The following CARS2 variants were observed in gnomAD, a reference collection of about 807,000 sequenced individuals.
The protein encoded by CARS2 is cysteinyl-tRNA synthetase 2, mitochondrial.
In CARS2, 52 loss-of-function variants were observed where a neutral mutation model predicts 68.8. The observed-to-expected ratio is 0.76, with a 90% CI of 0.61 to 0.95. CARS2 has a LOEUF of 0.95. CARS2 is among the 40% of genes least tolerant of loss of function. The pLI is 0.00. For synonymous variants in CARS2, 314 were observed against 303.6 expected (o/e 1.03, Z -0.36); for missense variants, 780 against 754.2 (o/e 1.03, Z -0.40).
At chr13:110,709,422 G>C (rs971384315), upstream of CARS2, among the ~76,000 whole-genome samples, 2 of 152,016 alleles carry the variant, frequency 1.3e-5, no homozygotes, top group African/African-American at 4.8e-5. Flanking sequence ...AGGCTTTTGC[G>C]GATCATCAAA....
At chr13:110,661,918 C>T (rs992582626) in intron 9 of CARS2, among the ~76,000 whole-genome samples, 3 of 152,298 alleles carry the variant, frequency 2.0e-5, no homozygotes, top group Middle Eastern at 3.4e-3. Flanking sequence ...ACAATTACAA[C>T]AGTAACATCA....
chr13:110,703,845 G>A (rs2063861590), intron 2 of CARS2, among the ~76,000 whole-genome samples: 1 of 152,252 alleles, frequency 6.6e-6, no homozygotes, highest in Admixed American at 6.5e-5. Context: ...GCTATGGTCT[G>A]AATGTTTGTC....
chr13:110,701,182 G>C (rs993412832), intron 3 of CARS2, among the ~76,000 whole-genome samples: 18 of 152,002 alleles, frequency 1.2e-4, no homozygotes, highest in Admixed American at 9.2e-4. Context: ...TCCTGCCTGA[G>C]CCTCCTGAGG....
chr13:110,646,508 G>A (rs1387218985), intron 11 of CARS2: 7 of 172,188 alleles, frequency 4.1e-5, no homozygotes, highest in Non-Finnish European at 7.3e-5. Flanking sequence ...TGCCTACCCT[G>A]CTGAAGTGGC....
rs531706708 is a variant in CARS2 at position 110,676,108 on chromosome 13, C to T, written c.785+866G>A. ...GGCGGAGGTTGCGGTGAGCCGAGAT[C>T]GCACCATTGCACTCCAACCTGGGCA... On this transcript the variant is annotated intron_variant, in intron 7 of 14. Coordinates refer to ENST00000257347, the MANE Select transcript of CARS2 (RefSeq NM_024537.4). This position sits in a 1 kb window ranked among gnomAD's most constrained non-coding sequence, Gnocchi z 4.0. Among the ~76,000 whole-genome samples the T allele has an allele frequency of 2.6e-5, 4 of 152,284 alleles. No homozygotes were observed. The highest frequency in any genetic ancestry group is 2.1e-4 in the South Asian group (1 of 4,834).
rs145988159 is a variant in CARS2, at chr13:110,687,752, A to C, written c.540T>G (p.Ile180Met). The C allele has an allele frequency of 8.9e-5, 143 of 1,613,104 alleles. No homozygotes were observed. The African/African-American group carries it at 1.6e-3, about 18-fold the overall frequency. The stretch of plus-strand genomic sequence containing the variant: ...CCGTTGAATAAGCGTTCCCACGAGC[A>C]ATGATTCCTTCAATGAAAGAAATTA... ...PQIISFIEGI[I>M]ARGNAYSTAK... is the part of the protein sequence containing the mutation. The change falls in exon 5 of 15, where the codon ATT becomes ATG. Residue 180 changes from isoleucine (I) to methionine (M), a missense_variant. Ile to Met is a conservative substitution (Grantham distance 10, BLOSUM62 1). Transcript: ENST00000257347.
chr13:110,680,876 G>T (rs1038395125), intron 6 of CARS2, among the ~76,000 whole-genome samples: 5 of 152,242 alleles, frequency 3.3e-5, no homozygotes, highest in African/African-American at 1.2e-4. Flanking sequence ...GGAGGTGGCC[G>T]CTGTCAGAGT....
At chr13:110,691,169 C>T (rs929845077) in intron 3 of CARS2, among the ~76,000 whole-genome samples, 1 of 152,172 alleles carries the variant, frequency 6.6e-6, no homozygotes, top group East Asian at 1.9e-4. Flanking sequence ...GCACACGCCA[C>T]CATGCATGGC....
intron 9 of CARS2, chr13:110,663,121 G>T: frequency 2.0e-6 from 1 of 506,978 alleles, no homozygotes; most frequent in Non-Finnish European, 3.8e-6. Flanking sequence ...GGGTGAGGGC[G>T]GGAAGGAAGT....
At chr13:110,641,631 A>G (rs770724127) in intron 14 of CARS2, 23 bp from the exon 15 acceptor site, 2 of 1,584,104 alleles carry the variant, frequency 1.3e-6, no homozygotes, top group Non-Finnish European at 1.7e-6. Context: ...AGTGAGGTCC[A>G]ACTCTGAGCA....
chr13:110,698,033 A>G, intron 3 of CARS2: 1 of 450,780 alleles, frequency 2.2e-6, no homozygotes, highest in East Asian at 7.0e-5. Context: ...TTTCAGATAA[A>G]CGCCCCAGCC....
Position 110,701,513 on chromosome 13 carries a change from C to T in CARS2, c.318G>A (p.Lys106=). Reference sequence around the variant, plus strand: ...CCATGACTATGCTGCATCCAAAAACCTTGGTTAGGATCCTTCGAATGATAT... The same window carrying T: ...CCATGACTATGCTGCATCCAAAAACTTTGGTTAGGATCCTTCGAATGATAT... ...RFDIIRRILT[K]VFGCSIVMVM... Residue 106 remains lysine, a synonymous_variant, in exon 3 of 15, where the codon AAG becomes AAA. Transcript: ENST00000257347. 1.3e-6 allele frequency: 2 copies of T among 1,594,846 alleles called. No homozygotes were observed. Among genetic ancestry groups the T allele is most frequent in the South Asian group, 2.2e-5 (2 of 90,672 alleles).
In CARS2 at chr13:110,663,556, G is replaced by A. The variant is rs778743095; in HGVS notation, c.920-38C>T. ...CAAAAGCATTCAGTCTGAGCTGGGT[G>A]AGGAGACTCTCTGGCCTCAGGGACA... On this transcript the variant is annotated intron_variant, in intron 8 of 14. Transcript: ENST00000257347. The A allele has an allele frequency of 1.1e-5, 17 of 1,606,718 alleles. No individual in the cohort carries two copies. The East Asian group carries it at 3.8e-4, about 36-fold the overall frequency.
chr13:110,683,545 CAATT>C (rs1350532634), intron 5 of CARS2, among the ~76,000 whole-genome samples: 1 of 152,148 alleles, frequency 6.6e-6, no homozygotes, highest in Non-Finnish European at 1.5e-5. Context: ...ACTACTGAGA[CAATT>C]ATTTAATCAG....
intron 6 of CARS2, among the ~76,000 whole-genome samples, chr13:110,679,495 A>T (rs1289669521): frequency 2.6e-5 from 4 of 150,954 alleles, no homozygotes; most frequent in African/African-American, 9.8e-5. Context: ...GCGCCATTGC[A>T]CTCCAGCCTG....
intron 8 of CARS2, chr13:110,666,498 G>A (rs749235191): frequency 2.0e-6 from 2 of 985,334 alleles, no homozygotes; most frequent in Non-Finnish European, 2.4e-6. Flanking sequence ...CGACTCAACA[G>A]GGTAAGCCCG....
Position 110,712,717 on chromosome 13 carries a change from T to C in CARS2, n.399+420A>G, listed in dbSNP as rs1047323835. On this transcript the variant is annotated intron_variant and non_coding_transcript_variant, in intron 1 of 2. Transcript: ENST00000485188. ...GGTGTCTGCATACTGTGGGCGGCCT[T>C]TCCAAGTGTGGGGAGCGGCCTCCGA... The C allele has an allele frequency of 4.5e-5, 31 of 693,528 alleles. No homozygotes were observed. The African/African-American group carries it at 5.3e-4, about 12-fold the overall frequency. 43.0% of individuals were successfully genotyped at this position (693,528 alleles called of 1,614,324 possible). A position where few individuals can be genotyped will look rare whatever the true frequency, so the allele number is the denominator to read the frequency against.
chr13:110,670,486 T>C lies in CARS2; in HGVS notation c.786-3013A>G, dbSNP rs1269427412. On this transcript the variant is annotated intron_variant, in intron 7 of 14. Transcript: ENST00000257347. The surrounding 1 kb of genome is among the most constrained non-coding windows in gnomAD (Gnocchi z 4.1). ...CCAGCAAACTCAACAGACCTGCAGC[T>C]GAGGGTCCTGACTGTTAGAAGGAAA... Among the ~76,000 whole-genome samples, 1 of 152,212 alleles carries C rather than the reference T, an allele frequency of 6.6e-6. No homozygotes were observed. Among genetic ancestry groups the C allele is most frequent in the African/African-American group, 2.4e-5 (1 of 41,454 alleles).
At chr13:110,642,762 T>C in intron 13 of CARS2, 1 of 737,978 alleles carries the variant, frequency 1.4e-6, no homozygotes, top group South Asian at 1.4e-5. Context: ...TGATCCTCAC[T>C]CGGGAGTTGG....
Sources: gnomAD v4.1 joint callset for allele counts (sites outside exome capture counted in the v4.1 genomes callset) on GRCh38, gnomAD v4.1.1 for gene constraint, Gnocchi (gnomAD v3.1) non-coding constraint, MANE v1.5 for transcripts, NCBI Gene and HGNC (gene_info 2026-07-23, HGNC 2026-07-21) for gene names.